SPAG17: variants seen among roughly 807,000 people sequenced by gnomAD.
The protein encoded by SPAG17 is sperm associated antigen 17, also known as sperm-associated antigen 17.
SPAG17 carries 169 observed loss-of-function variants against 273.6 expected under a neutral mutation model. The observed-to-expected ratio is 0.62, with a 90% confidence interval of 0.55 to 0.70. The LOEUF (loss-of-function observed/expected upper bound fraction) is 0.70, where lower values mean the gene tolerates loss of function less well. SPAG17 is among the 30% of genes least tolerant of loss of function. SPAG17 has a pLI of 0.00. For missense variants in SPAG17, 2,557 were observed against 2,627.8 expected (o/e 0.97, Z 0.59); for synonymous variants, 825 against 873.2 (o/e 0.94, Z 0.97).
chr1:118,029,547 G>T (rs971504788), intron 25 of SPAG17, among the ~76,000 whole-genome samples: 1 of 152,090 alleles, frequency 6.6e-6, no homozygotes, highest in African/African-American at 2.4e-5. Context: ...GCAAATGAAA[G>T]TAATAAAAAT....
chr1:117,992,738 T>C (rs1657246943), intron 35 of SPAG17, 90 bp from the exon 36 acceptor site: 6 of 1,140,716 alleles, frequency 5.3e-6, no homozygotes, highest in Non-Finnish European at 7.1e-6. Flanking sequence ...ATTACATAGA[T>C]ATCATAATAA....
At chr1:118,038,502 A>G (rs1649350880) in intron 23 of SPAG17, among the ~76,000 whole-genome samples, 1 of 152,174 alleles carries the variant, frequency 6.6e-6, no homozygotes, top group Admixed American at 6.6e-5. Flanking sequence ...CACAATTGCC[A>G]AAAGCTGGAG....
chr1:118,170,701 G>A (rs990067161), intron 1 of SPAG17, among the ~76,000 whole-genome samples: 1 of 152,148 alleles, frequency 6.6e-6, no homozygotes, highest in African/African-American at 2.4e-5. Context: ...AGATGCTCGA[G>A]GTTACCCTGT....
intron 28 of SPAG17, among the ~76,000 whole-genome samples, chr1:118,018,939 A>T (rs1338575860): frequency 6.7e-6 from 1 of 149,886 alleles, no homozygotes; most frequent in Non-Finnish European, 1.5e-5. Context: ...AGTGGCTGAG[A>T]TGGGAGGATT....
Position 118,097,692 on chromosome 1 carries a change from T to C in SPAG17, c.989A>G (p.Asp330Gly). The change falls in exon 7 of 49, where the codon GAC (aspartate) becomes GGC (glycine). Residue 330 changes from aspartate to glycine, a missense_variant. Asp to Gly is a moderately conservative substitution (Grantham distance 94). Transcript: ENST00000336338. Reference sequence around the variant, plus strand: ...AACCATCATCTCACCATCTGACCAGTCAGAAGGAAAATCAGCTGCTTTGAC... The same window carrying C: ...AACCATCATCTCACCATCTGACCAGCCAGAAGGAAAATCAGCTGCTTTGAC... ...YMVKAADFPS[D>G]WSDGEMMLKL... The C allele has an allele frequency of 6.2e-7, 1 of 1,603,796 alleles. No individual in the cohort carries two copies. The highest frequency in any genetic ancestry group is 8.5e-7 in the Non-Finnish European group (1 of 1,176,612).
intron 10 of SPAG17, among the ~76,000 whole-genome samples, chr1:118,089,011 C>T (rs1655190129): frequency 6.6e-6 from 1 of 152,132 alleles, no homozygotes. Context: ...AACAAGACTA[C>T]ATTGTTACTG....
At chr1:118,001,653 T>G (rs112352787) in intron 32 of SPAG17, among the ~76,000 whole-genome samples, 10,707 of 152,166 alleles carry the variant, frequency 0.07, 574 homozygotes, top group East Asian at 0.31. Flanking sequence ...ATTTCTGTGG[T>G]ATCCGTGGTC....
intron 3 of SPAG17, among the ~76,000 whole-genome samples, chr1:118,144,576 G>C (rs1658866574): frequency 1.3e-5 from 2 of 152,062 alleles, no homozygotes; most frequent in South Asian, 4.2e-4. Flanking sequence ...TAAATATCAG[G>C]TTGTATTAAT....
chr1:118,134,589 T>A (rs938983973), intron 3 of SPAG17, among the ~76,000 whole-genome samples: 1 of 152,144 alleles, frequency 6.6e-6, no homozygotes, highest in African/African-American at 2.4e-5. Context: ...CGTACTGTGG[T>A]TCTAACATCT....
At position 118,070,080 on chromosome 1, in the gene SPAG17, C is replaced by T. The variant is rs535792522; in HGVS notation, c.2386-3181G>A. ...AAGATTGAACATTTGCACTCTCTAA[C>T]GCCTCATTAAAAGAACAGTAACATT... On this transcript the variant is annotated intron_variant, in intron 17 of 48. Coordinates refer to ENST00000336338, the MANE Select transcript of SPAG17 (RefSeq NM_206996.4). 6.6e-5 allele frequency among the ~76,000 whole-genome samples: 10 copies of T among 152,132 alleles called. No homozygotes were observed. In the South Asian group the frequency reaches 8.3e-4, roughly 13 times the overall value.
intron 29 of SPAG17, among the ~76,000 whole-genome samples, chr1:118,015,700 C>A (rs1435261767): frequency 1.3e-5 from 2 of 152,112 alleles, no homozygotes; most frequent in African/African-American, 4.8e-5. Flanking sequence ...CCGCTCACCT[C>A]AAAAATTAGC....
intron 19 of SPAG17, among the ~76,000 whole-genome samples, chr1:118,054,358 T>G (rs891926727): frequency 6.6e-6 from 1 of 151,880 alleles, no homozygotes; most frequent in Non-Finnish European, 1.5e-5. Flanking sequence ...CTGTAGTCTC[T>G]CTCTCTCTCT....
chr1:118,101,031 G>A (rs570446859), intron 5 of SPAG17, among the ~76,000 whole-genome samples: 21 of 152,254 alleles, frequency 1.4e-4, no homozygotes, highest in African/African-American at 4.6e-4. Context: ...CAACAAGATA[G>A]TAAGCTCCTT....
intron 4 of SPAG17, among the ~76,000 whole-genome samples, chr1:118,113,503 A>G (rs1312391509): frequency 1.3e-5 from 2 of 152,038 alleles, no homozygotes; most frequent in East Asian, 1.9e-4. Flanking sequence ...TATTTTCCCG[A>G]TTGTATTCCA....
At chr1:118,086,172 T>A in intron 12 of SPAG17, 100 bp from the exon 13 acceptor site, 1 of 1,135,952 alleles carries the variant, frequency 8.8e-7, no homozygotes, top group South Asian at 1.5e-5. Context: ...CCCTCATTAT[T>A]TGGGAACAGG....
chr1:118,028,160 T>G (rs776754383), intron 26 of SPAG17, 114 bp downstream of exon 26: 2 of 1,242,412 alleles, frequency 1.6e-6, no homozygotes, highest in Non-Finnish European at 2.3e-6. Context: ...GAAAACAGTC[T>G]ATTGTTCATT....
intron 7 of SPAG17, among the ~76,000 whole-genome samples, chr1:118,093,896 T>C (rs1655547250): frequency 6.6e-6 from 1 of 152,236 alleles, no homozygotes; most frequent in Non-Finnish European, 1.5e-5. Context: ...GACTATTGCT[T>C]CTATAATACC....
chr1:117,971,918 C>G lies in SPAG17; in HGVS notation c.6271G>C (p.Gly2091Arg), dbSNP rs1194173822. Reference sequence around the variant, plus strand: ...TTTACAACTGTGGCATAGGTATGTCCTTCCTTAAGCACTCCAAACTTGACT... The same window carrying G: ...TTTACAACTGTGGCATAGGTATGTCGTTCCTTAAGCACTCCAAACTTGACT... ...SSVKFGVLKEGHTYATVVKLK... is the reference protein window; with the variant it reads ...SSVKFGVLKERHTYATVVKLK... Residue 2091 changes from glycine (G) to arginine (R), a missense_variant, in exon 45 of 49, where the codon GGA becomes CGA. Gly to Arg is a moderately radical substitution (Grantham distance 125). Transcript: ENST00000336338. The G allele has an allele frequency of 1.2e-6, 2 of 1,614,032 alleles. No individual in the cohort carries two copies. The highest frequency in any genetic ancestry group is 1.7e-6 in the Non-Finnish European group (2 of 1,179,950).
chr1:118,066,970 AT>A, intron 17 of SPAG17, 71 bp from the exon 18 acceptor site: 1 of 1,400,378 alleles, frequency 7.1e-7, no homozygotes, highest in Non-Finnish European at 9.6e-7. Context: ...CTACTAGGGC[AT>A]TTCTCTACTC....
Sources: allele counts gnomAD v4.1 joint callset (sites outside exome capture counted in the v4.1 genomes callset), GRCh38; gene constraint gnomAD v4.1.1; transcripts MANE v1.5; gene names NCBI Gene and HGNC (gene_info 2026-07-23, HGNC 2026-07-21).